Variants in MID1 observed in about 807,000 individuals in gnomAD.
The protein encoded by MID1 is midline 1.
In MID1, 7 loss-of-function variants were observed where a neutral mutation model predicts 40.4. The observed-to-expected ratio is 0.17, with a 90% CI of 0.10 to 0.33. The LOEUF (loss-of-function observed/expected upper bound fraction) is 0.33, where lower values mean the gene tolerates loss of function less well. Among genes scored for constraint, MID1 ranks in the 10% least tolerant of loss-of-function variants. The pLI, the probability that MID1 is intolerant of heterozygous loss-of-function variation, is 1.00. For missense variants in MID1, 367 were observed against 558.5 expected, an observed-to-expected ratio of 0.66 and a Z score of 3.46; for synonymous variants, 229 against 221.2, an observed-to-expected ratio of 1.04 and a Z score of -0.31.
intron 1 of MID1, among the ~76,000 whole-genome samples, chrX:10,630,017 G>A (rs1260333763): frequency 2.7e-5 from 3 of 111,730 alleles, no homozygotes; most frequent in Non-Finnish European, 5.6e-5. Context: ...ATGCCAGAAC[G>A]GTCATAGGTA....
intron 1 of MID1, among the ~76,000 whole-genome samples, chrX:10,767,395 A>G (rs768126808): frequency 9.1e-6 from 1 of 110,196 alleles, no homozygotes; most frequent in African/African-American, 3.3e-5. Flanking sequence ...GTCTTGGCTC[A>G]CTGCAAGCTC....
Position 10,449,612 on chromosome X carries a change from C to G in MID1, c.1760G>C (p.Arg587Thr), listed in dbSNP as rs748598463. The G allele has an allele frequency of 5.8e-6, 7 of 1,211,720 alleles. No individual in the cohort carries two copies. The highest frequency in any genetic ancestry group is 2.2e-6 in the Non-Finnish European group (2 of 895,461). ...AATGGGGATTTCCTTGCTATTGTGTCTCACCACCCAGTTATTGTTGCAGCG... is the reference window on the plus strand; with the variant it reads ...AATGGGGATTTCCTTGCTATTGTGTGTCACCACCCAGTTATTGTTGCAGCG... Reference protein sequence around the residue: ...LCRCNNNWVVRHNSKEIPIEP... With the variant: ...LCRCNNNWVVTHNSKEIPIEP... Residue 587 changes from arginine to threonine, a missense_variant, in exon 10 of 10, where the codon AGA becomes ACA. Around this residue, in one of 3 missense-constraint regions of MID1, gnomAD observed 275 missense variants for 383.1 expected, o/e 0.72. Transcript: ENST00000317552.
intron 2 of MID1, among the ~76,000 whole-genome samples, chrX:10,561,785 G>A (rs968899320): frequency 9.3e-6 from 1 of 107,175 alleles, no homozygotes; most frequent in African/African-American, 3.7e-5. Flanking sequence ...TTGTAAATTA[G>A]TTCAACCATT....
intron 1 of MID1, among the ~76,000 whole-genome samples, chrX:10,824,689 T>C (rs147876907): frequency 5.4e-5 from 6 of 112,111 alleles, no homozygotes; most frequent in Non-Finnish European, 9.4e-5. Context: ...TGAAATCCAT[T>C]TGTGCTAACA....
At chrX:10,514,016 C>T (rs1001661320) in intron 3 of MID1, among the ~76,000 whole-genome samples, 2 of 111,806 alleles carry the variant, frequency 1.8e-5, no homozygotes, top group Non-Finnish European at 3.8e-5. Context: ...CAGAAAAAAG[C>T]ACACTTTCTC....
intron 1 of MID1, among the ~76,000 whole-genome samples, chrX:10,776,671 G>C (rs1216508496): frequency 9.0e-6 from 1 of 111,285 alleles, no homozygotes; most frequent in Non-Finnish European, 1.9e-5. Flanking sequence ...TTCAAGACCA[G>C]CCTGGGCAAC....
At chrX:10,475,150 C>T (rs888450777) in intron 5 of MID1, 4 of 332,347 alleles carry the variant, frequency 1.2e-5, no homozygotes, top group African/African-American at 5.3e-5. Context: ...TCCTTTCAGA[C>T]GCAACCCTGA....
intron 2 of MID1, among the ~76,000 whole-genome samples, chrX:10,560,407 G>A (rs141240227): frequency 2.7e-5 from 3 of 111,190 alleles, no homozygotes; most frequent in African/African-American, 6.5e-5. Context: ...ATGGGTATTC[G>A]AATAGGAGAG....
chrX:10,539,299 C>T (rs890739482), intron 2 of MID1, among the ~76,000 whole-genome samples: 1 of 111,744 alleles, frequency 8.9e-6, no homozygotes, highest in African/African-American at 3.2e-5. Flanking sequence ...TTAGATCGTG[C>T]GGCTGGCTCT....
At chrX:10,587,570 C>CT (rs1307541471) in intron 1 of MID1, among the ~76,000 whole-genome samples, 2 of 112,603 alleles carry the variant, frequency 1.8e-5, no homozygotes, top group Admixed American at 1.9e-4. Flanking sequence ...GGAGGACCAC[C>CT]TTAGTGGAAG....
intron 1 of MID1, among the ~76,000 whole-genome samples, chrX:10,761,127 A>G (rs1238124680): frequency 4.5e-5 from 5 of 111,527 alleles, no homozygotes; most frequent in Admixed American, 3.8e-4. Flanking sequence ...TCTCACTCAG[A>G]ACAACAGACA....
At chrX:10,497,281 A>G (rs1411741653) in intron 3 of MID1, among the ~76,000 whole-genome samples, 2 of 112,314 alleles carry the variant, frequency 1.8e-5, no homozygotes, top group Admixed American at 9.4e-5. Flanking sequence ...AGAAAGTAGC[A>G]CTGACGAAGC....
intron 1 of MID1, among the ~76,000 whole-genome samples, chrX:10,619,520 C>T (rs771769069): frequency 2.5e-4 from 28 of 112,734 alleles, no homozygotes; most frequent in Non-Finnish European, 4.9e-4. Context: ...AAATCACACC[C>T]TCTCCTTGGC....
chrX:10,490,341 A>G (rs903615468), intron 4 of MID1, among the ~76,000 whole-genome samples: 3 of 112,042 alleles, frequency 2.7e-5, no homozygotes, highest in Non-Finnish European at 5.6e-5. Flanking sequence ...TCAATTTTCA[A>G]TTGTTACTAA....
intron 8 of MID1, 128 bp downstream of exon 8, chrX:10,459,518 G>A (rs1433014156): frequency 1.4e-6 from 1 of 731,929 alleles, no homozygotes; most frequent in Non-Finnish European, 2.1e-6. Flanking sequence ...TTCCACACTG[G>A]CTTTTTACTT....
chrX:10,726,715 G>A (rs1461498878), intron 1 of MID1, among the ~76,000 whole-genome samples: 1 of 112,544 alleles, frequency 8.9e-6, no homozygotes, highest in African/African-American at 3.2e-5. Context: ...AACTGTGGTG[G>A]TATCACATGT....
At chrX:10,720,450 C>T (rs1461467689) in intron 1 of MID1, among the ~76,000 whole-genome samples, 1 of 112,312 alleles carries the variant, frequency 8.9e-6, no homozygotes, top group African/African-American at 3.2e-5. Flanking sequence ...TGAAAAAATG[C>T]TCATCATCAC....
intron 3 of MID1, among the ~76,000 whole-genome samples, chrX:10,496,122 C>G (rs1168734931): frequency 8.9e-6 from 1 of 112,330 alleles, no homozygotes; most frequent in Non-Finnish European, 1.9e-5. Flanking sequence ...CTATCAATCT[C>G]TTTTAGACAA....
intron 1 of MID1, among the ~76,000 whole-genome samples, chrX:10,580,850 A>G (rs1934993881): frequency 1.8e-5 from 2 of 108,799 alleles, no homozygotes; most frequent in Non-Finnish European, 3.8e-5. Flanking sequence ...TGCTTTCAGA[A>G]AACTTTGGGC....
Sources: allele counts gnomAD v4.1 joint callset (sites outside exome capture counted in the v4.1 genomes callset), GRCh38; gene constraint gnomAD v4.1.1; regional missense constraint gnomAD v4.1.1; transcripts MANE v1.5; gene names NCBI Gene and HGNC (gene_info 2026-07-23, HGNC 2026-07-21).